Variants in LIPC observed in about 807,000 individuals in gnomAD.
LIPC encodes lipase C, hepatic type.
Under a neutral mutation model 50.7 loss-of-function variants are expected in LIPC, and 44 were observed. That is an observed-to-expected ratio of 0.87 (90% CI 0.68 to 1.11). The LOEUF is 1.11. Among genes scored for constraint, LIPC ranks in the 50% most tolerant of loss-of-function variants. The probability of loss-of-function intolerance (pLI) is 0.00; values close to 1 mark genes in which losing one functional copy is unlikely to be tolerated. For missense variants in LIPC, 697 were observed against 648.2 expected, an observed-to-expected ratio of 1.08 and a Z score of -0.82; for synonymous variants, 271 against 256.4, an observed-to-expected ratio of 1.06 and a Z score of -0.54.
intron 1 of LIPC, among the ~76,000 whole-genome samples, chr15:58,456,899 C>T (rs1434086427): frequency 6.6e-6 from 1 of 152,208 alleles, no homozygotes; most frequent in African/African-American, 2.4e-5. Context: ...GAGAACATCT[C>T]GCTCAACTCG....
At chr15:58,458,753 T>C (rs574971368) in intron 1 of LIPC, among the ~76,000 whole-genome samples, 122 of 152,298 alleles carry the variant, frequency 8.0e-4, no homozygotes, top group African/African-American at 2.7e-3. Context: ...AAATTACACA[T>C]CTTATACAAC....
chr15:58,485,901 G>A (rs1417942297), intron 1 of LIPC, among the ~76,000 whole-genome samples: 1 of 152,246 alleles, frequency 6.6e-6, no homozygotes, highest in East Asian at 1.9e-4. Flanking sequence ...TCTGTGGGCT[G>A]TGTGAGGACG....
At chr15:58,489,804 G>A (rs1294142692) in intron 1 of LIPC, among the ~76,000 whole-genome samples, 1 of 152,138 alleles carries the variant, frequency 6.6e-6, no homozygotes, top group Non-Finnish European at 1.5e-5. Context: ...TGCAAAAGTG[G>A]TTGAGTTTGG....
At chr15:58,503,763 T>A (rs1306345978) in intron 1 of LIPC, among the ~76,000 whole-genome samples, 1 of 152,150 alleles carries the variant, frequency 6.6e-6, no homozygotes, top group Non-Finnish European at 1.5e-5. Context: ...ACAGAGCAAG[T>A]GTCTGAGGGC....
intron 1 of LIPC, among the ~76,000 whole-genome samples, chr15:58,473,073 C>T (rs1890867654): frequency 1.3e-5 from 2 of 152,246 alleles, no homozygotes; most frequent in South Asian, 4.1e-4. Flanking sequence ...GGACGGCAGC[C>T]AGAAGCAACA....
At position 58,543,215 on chromosome 15, in the gene LIPC, G is replaced by A. The variant is rs1461465481; in HGVS notation, c.574+564G>A. On this transcript the variant is annotated intron_variant, in intron 4 of 8. Transcript: ENST00000299022. ...AGGAAGGCCTTCCTCCCAGGCTTCCGTGACACCAACCCCACCCTTCACACT... is the reference window on the plus strand; with the variant it reads ...AGGAAGGCCTTCCTCCCAGGCTTCCATGACACCAACCCCACCCTTCACACT... Among the ~76,000 whole-genome samples, 8 of 152,246 alleles carry A rather than the reference G, an allele frequency of 5.3e-5. No individual in the cohort carries two copies. The South Asian group carries it at 8.3e-4, about 16-fold the overall frequency.
chr15:58,530,276 A>G (rs1467800534), intron 1 of LIPC, among the ~76,000 whole-genome samples: 1 of 152,216 alleles, frequency 6.6e-6, no homozygotes, highest in Non-Finnish European at 1.5e-5. Flanking sequence ...CCTTCCGGAC[A>G]TGCCAAGTCT....
chr15:58,535,225 A>G (rs1595928071), intron 1 of LIPC, among the ~76,000 whole-genome samples: 1 of 151,788 alleles, frequency 6.6e-6, no homozygotes, highest in Non-Finnish European at 1.5e-5. Flanking sequence ...TGCATCCCCC[A>G]CCCCACCATG....
chr15:58,527,987 C>T (rs1330917569), intron 1 of LIPC, among the ~76,000 whole-genome samples: 1 of 152,038 alleles, frequency 6.6e-6, no homozygotes, highest in East Asian at 1.9e-4. Flanking sequence ...ATGCTTTCAG[C>T]CCACACTCCC....
intron 1 of LIPC, among the ~76,000 whole-genome samples, chr15:58,445,096 G>T (rs755699195): frequency 1.6e-4 from 25 of 152,236 alleles, no homozygotes; most frequent in Admixed American, 5.2e-4. Flanking sequence ...AGCAGGGTGG[G>T]ATGGGGAGTG....
At chr15:58,463,170 T>C (rs1399350770) in intron 1 of LIPC, among the ~76,000 whole-genome samples, 1 of 152,232 alleles carries the variant, frequency 6.6e-6, no homozygotes, top group African/African-American at 2.4e-5. Context: ...TGGGATGGTG[T>C]TTGCCTTCCG....
chr15:58,537,615 C>A (rs1225970025), intron 1 of LIPC, among the ~76,000 whole-genome samples: 2 of 152,126 alleles, frequency 1.3e-5, no homozygotes, highest in Non-Finnish European at 2.9e-5. Flanking sequence ...TGCCTGTGAG[C>A]CTCGACTCAT....
At chr15:58,512,362 G>T (rs1025752929) in intron 1 of LIPC, among the ~76,000 whole-genome samples, 50 of 152,116 alleles carry the variant, frequency 3.3e-4, no homozygotes, top group African/African-American at 1.2e-3. Context: ...GCCTACCAAA[G>T]TGTTGTTGGG....
At chr15:58,537,604 A>G (rs1317050242) in intron 1 of LIPC, among the ~76,000 whole-genome samples, 1 of 152,074 alleles carries the variant, frequency 6.6e-6, no homozygotes, top group Non-Finnish European at 1.5e-5. Context: ...GCAAGGTTGC[A>G]TGCCTGTGAG....
intron 1 of LIPC, among the ~76,000 whole-genome samples, chr15:58,526,725 G>A (rs1892811012): frequency 6.6e-6 from 1 of 152,198 alleles, no homozygotes; most frequent in Non-Finnish European, 1.5e-5. Context: ...TGAGACATGA[G>A]AAGGAAGAGA....
intron 1 of LIPC, among the ~76,000 whole-genome samples, chr15:58,489,026 G>C (rs189279717): frequency 1.3e-5 from 2 of 152,060 alleles, no homozygotes; most frequent in Non-Finnish European, 2.9e-5. Flanking sequence ...CAAGTGCATT[G>C]TAAACTGCAA....
chr15:58,506,023 A>G (rs1232228747), intron 1 of LIPC, among the ~76,000 whole-genome samples: 1 of 151,384 alleles, frequency 6.6e-6, no homozygotes, highest in Non-Finnish European at 1.5e-5. Flanking sequence ...TTACTCACCA[A>G]CTTGGAGGAA....
At chr15:58,563,199 C>T (rs932420971) in intron 7 of LIPC, among the ~76,000 whole-genome samples, 10 of 152,178 alleles carry the variant, frequency 6.6e-5, no homozygotes, top group African/African-American at 2.4e-4. Context: ...GTCTCCACAG[C>T]GGCTTCTTCC....
chr15:58,524,032 C>T (rs1042783169), intron 1 of LIPC, among the ~76,000 whole-genome samples: 3 of 152,200 alleles, frequency 2.0e-5, no homozygotes, highest in African/African-American at 7.2e-5. Flanking sequence ...TTTGCAAAAT[C>T]TCACCCCCAT....
Sources: gnomAD v4.1 joint callset for allele counts (sites outside exome capture counted in the v4.1 genomes callset) on GRCh38, gnomAD v4.1.1 for gene constraint, MANE v1.5 for transcripts, NCBI Gene and HGNC (gene_info 2026-07-23, HGNC 2026-07-21) for gene names.